PDE3B: variants seen among roughly 807,000 people sequenced by gnomAD.
PDE3B encodes cGMP-inhibited 3',5'-cyclic phosphodiesterase 3B.
PDE3B carries 66 observed loss-of-function variants against 116.8 expected under a neutral mutation model. That is an observed-to-expected ratio of 0.56 (90% CI 0.46 to 0.69). PDE3B has a LOEUF of 0.69. Ranked by LOEUF, PDE3B falls within the 30% of genes least tolerant of loss-of-function variation. The pLI, the probability that PDE3B is intolerant of heterozygous loss-of-function variation, is 0.00. For synonymous variants in PDE3B, 595 were observed against 533.6 expected (o/e 1.12, Z -1.59); for missense variants, 1,384 against 1,368.1 (o/e 1.01, Z -0.18).
chr11:14,850,208 AATC>A (rs1847713644), intron 12 of PDE3B, among the ~76,000 whole-genome samples: 1 of 152,130 alleles, frequency 6.6e-6, no homozygotes, highest in South Asian at 2.1e-4. Context: ...TGAAATTGGA[AATC>A]ATCATTCTCA....
intron 1 of PDE3B, among the ~76,000 whole-genome samples, chr11:14,734,754 A>C (rs1277523774): frequency 6.6e-6 from 1 of 152,172 alleles, no homozygotes; most frequent in Non-Finnish European, 1.5e-5. Context: ...CCTCTGTCTT[A>C]ATTTAACAAT....
intron 14 of PDE3B, among the ~76,000 whole-genome samples, 198 bp from the exon 15 acceptor site, chr11:14,867,306 CAG>C (rs1848064901): frequency 6.6e-6 from 1 of 152,046 alleles, no homozygotes; most frequent in Non-Finnish European, 1.5e-5. Context: ...TTGATGTGAA[CAG>C]AATGTGAGAA....
chr11:14,813,851 T>C lies in PDE3B; in HGVS notation c.1523-4332T>C, dbSNP rs548801310. 9.9e-5 allele frequency among the ~76,000 whole-genome samples: 15 copies of C among 152,236 alleles called. No individual in the cohort carries two copies. The South Asian group carries it at 2.9e-3, about 29-fold the overall frequency. Reference sequence around the variant, plus strand: ...GGCCAACATCTCTTGTGAATATAGATACAAAAATCCTAAACAAAAAGTTAC... The same window carrying C: ...GGCCAACATCTCTTGTGAATATAGACACAAAAATCCTAAACAAAAAGTTAC... On this transcript the variant is annotated intron_variant, in intron 5 of 15. Transcript: ENST00000282096.
intron 1 of PDE3B, among the ~76,000 whole-genome samples, chr11:14,725,273 C>CT (rs1205891062): frequency 6.6e-6 from 1 of 151,042 alleles, no homozygotes; most frequent in Non-Finnish European, 1.5e-5. Flanking sequence ...CTTTCTCTTT[C>CT]TTTTTCTTTC....
At chr11:14,892,088 G>T in the PDE3B span, 1 of 1,611,914 alleles carries the variant, frequency 6.2e-7, no homozygotes, top group Non-Finnish European at 8.5e-7. Context: ...GGCCCCGGGG[G>T]GAAGCCCATC....
chr11:14,816,289 T>C (rs963813803), intron 5 of PDE3B, among the ~76,000 whole-genome samples: 6 of 152,234 alleles, frequency 3.9e-5, no homozygotes, highest in African/African-American at 1.4e-4. Context: ...AGTGTTTGAA[T>C]AAACAACTGA....
chr11:14,666,940 A>G (rs1854174462), intron 1 of PDE3B, among the ~76,000 whole-genome samples: 1 of 151,538 alleles, frequency 6.6e-6, no homozygotes, highest in African/African-American at 2.4e-5. Flanking sequence ...CTGGGTATAT[A>G]CCCAAAGGAC....
the PDE3B span, among the ~76,000 whole-genome samples, chr11:14,895,917 G>C: frequency 2.3e-3 from 356 of 151,760 alleles, 3 homozygotes; most frequent in African/African-American, 7.8e-3. Flanking sequence ...ATTGGAGGTG[G>C]TGGCATGGTG....
chr11:14,667,152 G>A lies in PDE3B; in HGVS notation c.978+22099G>A, dbSNP rs532230428. The stretch of plus-strand genomic sequence containing the variant: ...CTTTGTAGGGACATGGATGAAATTG[G>A]AAATCATCATTCCCAGTAAACTATC... On this transcript the variant is annotated intron_variant, in intron 1 of 15. Coordinates refer to ENST00000282096, the MANE Select transcript of PDE3B (RefSeq NM_000922.4). 6.6e-5 allele frequency among the ~76,000 whole-genome samples: 10 copies of A among 152,010 alleles called. No individual in the cohort carries two copies. In the South Asian group the frequency reaches 1.9e-3, roughly 28 times the overall value.
chr11:14,864,713 G>A (rs576384421), intron 14 of PDE3B, among the ~76,000 whole-genome samples: 3 of 152,122 alleles, frequency 2.0e-5, no homozygotes, highest in South Asian at 2.1e-4. Flanking sequence ...GGTAAATAAC[G>A]AAATTAAGGC....
chr11:14,689,221 G>T (rs1026992912), intron 1 of PDE3B, among the ~76,000 whole-genome samples: 1 of 152,132 alleles, frequency 6.6e-6, no homozygotes, highest in Non-Finnish European at 1.5e-5. Context: ...ATCGCTGAGG[G>T]TTAAAATAAA....
At chr11:14,757,402 A>G (rs1447669072) in intron 1 of PDE3B, among the ~76,000 whole-genome samples, 1 of 150,702 alleles carries the variant, frequency 6.6e-6, no homozygotes, top group Non-Finnish European at 1.5e-5. Context: ...TGGTTGAACT[A>G]GTTTACAGTC....
At chr11:14,698,149 AT>A (rs1855264984) in intron 1 of PDE3B, among the ~76,000 whole-genome samples, 1 of 151,820 alleles carries the variant, frequency 6.6e-6, no homozygotes, top group Non-Finnish European at 1.5e-5. Flanking sequence ...ATGTGTGTGT[AT>A]ATTATTATTA....
At chr11:14,768,473 ATCTG>A (rs1047645487) in intron 1 of PDE3B, among the ~76,000 whole-genome samples, 1 of 151,588 alleles carries the variant, frequency 6.6e-6, no homozygotes, top group Non-Finnish European at 1.5e-5. Flanking sequence ...TACTGTATGT[ATCTG>A]TCTGTGACTT....
chr11:14,898,874 A>C, the PDE3B span, among the ~76,000 whole-genome samples: 267 of 151,924 alleles, frequency 1.8e-3, 1 homozygote, highest in African/African-American at 6.0e-3. Flanking sequence ...AAACACTATA[A>C]CTTAGCCTTC....
chr11:14,786,816 A>G (rs578146804), intron 3 of PDE3B, 131 bp downstream of exon 3: 2 of 666,420 alleles, frequency 3.0e-6, no homozygotes, highest in Non-Finnish European at 2.5e-6. Flanking sequence ...GCTGCTTGGG[A>G]TGTTAGAGGC....
At chr11:14,719,320 C>G (rs1856023603) in intron 1 of PDE3B, among the ~76,000 whole-genome samples, 1 of 21,292 alleles carries the variant, frequency 4.7e-5, no homozygotes, top group African/African-American at 1.8e-4. Flanking sequence ...CAGATGGATT[C>G]ACAGCCGAAT....
chr11:14,821,276 A>G (rs2133952631), intron 7 of PDE3B, among the ~76,000 whole-genome samples: 1 of 152,324 alleles, frequency 6.6e-6, no homozygotes, highest in East Asian at 1.9e-4. Flanking sequence ...CTGAACTCAG[A>G]ACAGAGTGTC....
chr11:14,735,068 A>T (rs928664837), intron 1 of PDE3B, among the ~76,000 whole-genome samples: 1 of 152,126 alleles, frequency 6.6e-6, no homozygotes, highest in Non-Finnish European at 1.5e-5. Context: ...GGACAGTTAT[A>T]CTAATATGCA....
Sources: allele counts gnomAD v4.1 joint callset (sites outside exome capture counted in the v4.1 genomes callset), GRCh38; gene constraint gnomAD v4.1.1; transcripts MANE v1.5; gene names NCBI Gene and HGNC (gene_info 2026-07-23, HGNC 2026-07-21).